The following RNF40 variants were observed in gnomAD, a reference collection of about 807,000 sequenced individuals.
RNF40 encodes the protein E3 ubiquitin-protein ligase BRE1B.
In RNF40, 39 loss-of-function variants were observed where a neutral mutation model predicts 123.3. The ratio of observed to expected loss-of-function variants is 0.32; its 90% confidence interval spans 0.24 to 0.41. The LOEUF (loss-of-function observed/expected upper bound fraction) is 0.41, where lower values mean the gene tolerates loss of function less well. RNF40 is among the 10% of genes least tolerant of loss of function. RNF40 has a pLI of 1.00. For synonymous variants in RNF40, 538 were observed against 526.0 expected (o/e 1.02, Z -0.31); for missense variants, 1,003 against 1,319.9 (o/e 0.76, Z 3.72).
rs777265818 is a variant in RNF40 at position 30,768,380 on chromosome 16, C to T, written c.1829C>T (p.Pro610Leu). Residue 610 changes from proline to leucine, a missense_variant, in exon 13 of 20, where the codon CCC becomes CTC. Around this residue, in one of 11 missense-constraint regions of RNF40, gnomAD observed 295 missense variants for 331.7 expected, o/e 0.89. Coordinates refer to ENST00000324685, the MANE Select transcript of RNF40 (RefSeq NM_014771.4). This position sits in a 1 kb window ranked among gnomAD's most constrained non-coding sequence, Gnocchi z 4.1. ...SSRGREPEARPKRELREREGP... is the reference protein window; with the variant it reads ...SSRGREPEARLKRELREREGP... ...CGGGGCCGAGAACCTGAGGCCAGGC[C>T]CAAGCGGGAGCTTCGGGAACGGGAA... 2 of 1,613,720 alleles carry T rather than the reference C, an allele frequency of 1.2e-6. No individual in the cohort carries two copies. The highest frequency in any genetic ancestry group is 1.1e-5 in the South Asian group (1 of 91,056).
rs2054158563 is a variant in RNF40 at position 30,772,101 on chromosome 16, C to A, written c.2740C>A (p.Arg914=). The A allele has an allele frequency of 6.4e-6, 10 of 1,560,338 alleles. No homozygotes were observed. Among genetic ancestry groups the A allele is most frequent in the African/African-American group, 2.7e-5 (2 of 73,366 alleles). ...TCTCCTGCCCCAGGAGGACATCTCA[C>A]GGCTGCGGCGCAAGCTGGAAAAGCA... ...NLKRAQEDIS[R]LRRKLEKQRK... The change falls in exon 19 of 20, where the codon CGG becomes AGG. Residue 914 remains arginine, a synonymous_variant. Coordinates refer to ENST00000324685, the MANE Select transcript of RNF40 (RefSeq NM_014771.4).
Position 30,762,513 on chromosome 16 carries a change from A to T in RNF40, c.-33A>T. ...CGCCTCCTCCCGTTTGACGCCCCTC[A>T]GGGGACCCTGCATCGCTCCAGCCGC... On this transcript the variant is annotated 5_prime_UTR_variant, in exon 2 of 20. Transcript: ENST00000324685. 1 of 1,560,414 alleles carries T rather than the reference A, an allele frequency of 6.4e-7. No individual in the cohort carries two copies. The highest frequency in any genetic ancestry group is 1.2e-5 in the South Asian group (1 of 85,832).
Position 30,766,698 on chromosome 16 carries a change from G to A in RNF40, c.1294-43G>A. On this transcript the variant is annotated intron_variant, in intron 10 of 19. Transcript: ENST00000324685. This position sits in a 1 kb window ranked among gnomAD's most constrained non-coding sequence, Gnocchi z 5.4. ...TTCCTAAGATACTGAGTCCTGAGGTGGGACCGAGGGGCTGTGTGGGTCCTT... is the reference window on the plus strand; with the variant it reads ...TTCCTAAGATACTGAGTCCTGAGGTAGGACCGAGGGGCTGTGTGGGTCCTT... 1 of 1,611,832 alleles carries A rather than the reference G, an allele frequency of 6.2e-7. No individual in the cohort carries two copies. The highest frequency in any genetic ancestry group is 1.3e-5 in the African/African-American group (1 of 75,016).
chr16:30,763,394 A>AT (rs1236005577), intron 3 of RNF40, 24 bp from the exon 4 acceptor site: 1 of 1,597,824 alleles, frequency 6.3e-7, no homozygotes, highest in Non-Finnish European at 8.5e-7. Flanking sequence ...GATTCATAAC[A>AT]TTTTTGATGT....
At position 30,771,400 on chromosome 16, in the gene RNF40, G is replaced by A. The variant is rs1187888917; in HGVS notation, c.2587-433G>A. 4.6e-5 allele frequency among the ~76,000 whole-genome samples: 7 copies of A among 151,930 alleles called. No homozygotes were observed. The East Asian group carries it at 9.7e-4, about 21-fold the overall frequency. Reference sequence around the variant, plus strand: ...TGGGAGGCCGAGGCGGGCAGATCATGAGGTCAGGAGATCTAGACCATCCTG... The same window carrying A: ...TGGGAGGCCGAGGCGGGCAGATCATAAGGTCAGGAGATCTAGACCATCCTG... On this transcript the variant is annotated intron_variant, in intron 17 of 19. Transcript: ENST00000324685.
chr16:30,765,524 CT>C (rs2054012156), intron 8 of RNF40, 25 bp downstream of exon 8: 1 of 1,602,676 alleles, frequency 6.2e-7, no homozygotes, highest in African/African-American at 1.3e-5. Flanking sequence ...CCTCCCACCC[CT>C]TCTCACAACC....
chr16:30,763,267 C>T lies in RNF40; in HGVS notation c.282C>T (p.Val94=), dbSNP rs748752747. Residue 94 remains valine, a synonymous_variant, in exon 3 of 20, where the codon GTC becomes GTT. Transcript: ENST00000324685. ...CAGATGATGCCACACTCCTCATCGT[C>T]AATCGCTACTGGGCCCAGGTGGATA... ...QATDDATLLI[V]NRYWAQLDET... 2.3e-5 allele frequency: 37 copies of T among 1,614,216 alleles called. No individual in the cohort carries two copies. Among genetic ancestry groups the T allele is most frequent in the Non-Finnish European group, 3.1e-5 (37 of 1,180,040 alleles).
At chr16:30,762,775 T>G in intron 2 of RNF40, 98 bp downstream of exon 2, 1 of 1,479,272 alleles carries the variant, frequency 6.8e-7, no homozygotes, top group Non-Finnish European at 9.2e-7. Context: ...TCCCCAAGTT[T>G]AGCAAGGTCC....
chr16:30,763,320 A>C (rs996914944), intron 3 of RNF40, 35 bp downstream of exon 3: 2 of 1,611,212 alleles, frequency 1.2e-6, no homozygotes, highest in Non-Finnish European at 1.7e-6. Flanking sequence ...CCAGGCCTTG[A>C]TTCAGCTGCC....
Position 30,762,589 on chromosome 16 carries a change from C to T in RNF40, c.44C>T (p.Ser15Leu), listed in dbSNP as rs1472393060. 1 of 1,606,086 alleles carries T rather than the reference C, an allele frequency of 6.2e-7. No homozygotes were observed. Among genetic ancestry groups the T allele is most frequent in the Admixed American group, 1.7e-5 (1 of 58,794 alleles). ...GNKRAAGDGG[S>L]GPPEKKLSRE... ...AAACGCGCCGCCGGCGACGGGGGCT[C>T]AGGGCCCCCGGAAAAGAAGCTGAGT... is the stretch of plus-strand genomic sequence containing the variant. The change falls in exon 2 of 20, where the codon TCA becomes TTA. Residue 15 changes from serine (S) to leucine (L), a missense_variant. This residue lies in a region of RNF40 where 51 missense variants were observed against 56.2 expected (regional missense o/e 0.91). Coordinates refer to ENST00000324685, the MANE Select transcript of RNF40 (RefSeq NM_014771.4).
upstream of RNF40, chr16:30,762,282 G>GGA (rs1555470709): frequency 2.2e-6 from 1 of 463,516 alleles, no homozygotes; most frequent in Non-Finnish European, 3.8e-6. Context: ...ACCGTTGGGG[G>GGA]GGGGGCAGTG....
Position 30,765,517 on chromosome 16 carries a change from C to T in RNF40, c.993+18C>T. On this transcript the variant is annotated intron_variant, in intron 8 of 19. Transcript: ENST00000324685. ...TGCAGAAGGTGAGCGGCGTTTTCCT[C>T]CCACCCCTTCTCACAACCTCTTCTC... The T allele has an allele frequency of 6.2e-7, 1 of 1,610,554 alleles. No homozygotes were observed. Among genetic ancestry groups the T allele is most frequent in the Non-Finnish European group, 8.5e-7 (1 of 1,177,286 alleles).
In RNF40 at chr16:30,768,976, G is replaced by A; in HGVS notation, c.2236G>A (p.Ala746Thr). 6.2e-7 allele frequency: 1 copy of A among 1,613,896 alleles called. No homozygotes were observed. The highest frequency in any genetic ancestry group is 8.5e-7 in the Non-Finnish European group (1 of 1,180,010). ...AGAACACCTGCAGCGCAAGCTGGGT[G>A]CCACCAAGCAGGTGCGGCCCATGTG... Reference protein sequence around the residue: ...QIEHLQRKLGATKQEEEALLS... With the variant: ...QIEHLQRKLGTTKQEEEALLS... The change falls in exon 15 of 20, where the codon GCC becomes ACC. Residue 746 changes from alanine (A) to threonine (T), a missense_variant. Physicochemically the swap from Ala to Thr is moderately conservative, Grantham distance 58. Transcript: ENST00000324685. The surrounding 1 kb of genome is among the most constrained non-coding windows in gnomAD (Gnocchi z 4.1).
In RNF40 at chr16:30,769,040, CCT is replaced by C. The variant is rs916862662; in HGVS notation, c.2247+54_2247+55del. 12 of 1,610,318 alleles carry C rather than the reference CCT, an allele frequency of 7.5e-6. No individual in the cohort carries two copies. In the African/African-American group the frequency reaches 1.1e-4, roughly 14 times the overall value. ...GGAGCGCAGGGAGTTCCCTTCATAC[CCT>C]GTTTGGTGCCTCTAGTGCCTGCAGG... On this transcript the variant is annotated intron_variant, in intron 15 of 19. Transcript: ENST00000324685.
chr16:30,763,001 T>C (rs2053913123), intron 2 of RNF40, 117 bp from the exon 3 acceptor site: 1 of 1,138,390 alleles, frequency 8.8e-7, no homozygotes, highest in South Asian at 1.4e-5. Context: ...TAGCGGTTAG[T>C]GTGGGAATAC....
intron 5 of RNF40, 142 bp downstream of exon 5, chr16:30,764,527 T>C: frequency 1.4e-6 from 1 of 734,118 alleles, no homozygotes; most frequent in Non-Finnish European, 2.2e-6. Flanking sequence ...TTGGAAGAGG[T>C]AGGTTAGGCT....
At chr16:30,763,848 A>G (rs1398766636) in intron 4 of RNF40, among the ~76,000 whole-genome samples, 1 of 152,188 alleles carries the variant, frequency 6.6e-6, no homozygotes, top group East Asian at 1.9e-4. Context: ...CACTTGCTAT[A>G]AGGGAGGAAA....
chr16:30,765,439 C>T lies in RNF40; in HGVS notation c.933C>T (p.Tyr311=), dbSNP rs561195088. Residue 311 remains tyrosine, a synonymous_variant, in exon 8 of 20, where the codon TAC becomes TAT. Coordinates refer to ENST00000324685, the MANE Select transcript of RNF40 (RefSeq NM_014771.4). ...TCTCTCCACAGCTTAACTCTGGCTA[C>T]TATGTATCTGGGAGCTCCTCAGGCT... is the stretch of plus-strand genomic sequence containing the variant. ...AEALEQLNSG[Y]YVSGSSSGFQ... is the part of the protein sequence containing the mutation. The T allele has an allele frequency of 6.2e-6, 10 of 1,614,090 alleles. No homozygotes were observed. The highest frequency in any genetic ancestry group is 8.5e-6 in the Non-Finnish European group (10 of 1,180,040).
In RNF40 at chr16:30,764,831, G is replaced by A. The variant is rs1596745832; in HGVS notation, c.650-107G>A. The A allele has an allele frequency of 5.5e-6, 8 of 1,463,432 alleles. No individual in the cohort carries two copies. The East Asian group carries it at 1.6e-4, about 29-fold the overall frequency. 90.7% of individuals were successfully genotyped at this position (1,463,432 alleles called of 1,614,324 possible). A position where few individuals can be genotyped will look rare whatever the true frequency, so the allele number is the denominator to read the frequency against. On this transcript the variant is annotated intron_variant, in intron 5 of 19. Coordinates refer to ENST00000324685, the MANE Select transcript of RNF40 (RefSeq NM_014771.4). ...CTCCTGGCTTTGTCATGAGAAATGG[G>A]CAAGACAGCTGGTGGATCACACTGG...
Sources: allele counts gnomAD v4.1 joint callset (sites outside exome capture counted in the v4.1 genomes callset), GRCh38; gene constraint gnomAD v4.1.1; regional missense constraint gnomAD v4.1.1; non-coding constraint Gnocchi (gnomAD v3.1); transcripts MANE v1.5; gene names NCBI Gene and HGNC (gene_info 2026-07-23, HGNC 2026-07-21).